MTMR11: variants seen among roughly 807,000 people sequenced by gnomAD.
MTMR11 encodes the protein myotubularin-related protein 11.
MTMR11 carries 89 observed loss-of-function variants against 100.0 expected under a neutral mutation model. That is an observed-to-expected ratio of 0.89 (90% CI 0.75 to 1.06). MTMR11 has a LOEUF of 1.06. Ranked by LOEUF, MTMR11 falls within the 50% of genes least tolerant of loss-of-function variation. The probability of loss-of-function intolerance (pLI) is 0.00; values close to 1 mark genes in which losing one functional copy is unlikely to be tolerated. For missense variants in MTMR11, 809 were observed against 873.7 expected (o/e 0.93, Z 0.93); for synonymous variants, 336 against 326.3 (o/e 1.03, Z -0.32).
intron 12 of MTMR11, chr1:149,931,686 G>A (rs2092662829): frequency 1.7e-6 from 1 of 579,920 alleles, no homozygotes. Flanking sequence ...CTTCCACACT[G>A]CCCTTCCCAC....
intron 13 of MTMR11, 76 bp downstream of exon 13, chr1:149,931,184 G>T: frequency 1.3e-6 from 2 of 1,588,710 alleles, no homozygotes; most frequent in South Asian, 1.1e-5. Flanking sequence ...CACCTCCAAT[G>T]GATTATACAA....
chr1:149,931,203 C>T, intron 13 of MTMR11, 57 bp downstream of exon 13: 2 of 1,605,424 alleles, frequency 1.2e-6, no homozygotes, highest in Admixed American at 1.7e-5. Flanking sequence ...AAAATAATTT[C>T]TCATTCTCTT....
intron 13 of MTMR11, 126 bp from the exon 14 acceptor site, chr1:149,931,091 A>C: frequency 7.4e-7 from 1 of 1,343,210 alleles, no homozygotes; most frequent in South Asian, 1.5e-5. Context: ...TGAAAATCTG[A>C]ATTGAGGGTA....
In MTMR11 at chr1:149,935,336, G is replaced by A. The variant is rs587702917; in HGVS notation, c.288C>T (p.Tyr96=). 8.9e-5 allele frequency: 143 copies of A among 1,613,598 alleles called. 3 individuals are homozygous for A. In the South Asian group the frequency reaches 1.2e-3, roughly 14 times the overall value. ...WNQDTPLNSE[Y]DFALVNIGRL... is the part of the protein sequence containing the mutation. ...GTCCAATGTTGACCAGGGCAAAATC[G>A]TATTCACTGTTCAAGGGAGTGTCCT... is the stretch of plus-strand genomic sequence containing the variant. Residue 96 remains tyrosine (Y), a synonymous_variant, in exon 4 of 17, where the codon TAC becomes TAT. Transcript: ENST00000439741.
chr1:149,936,279 C>T (rs932886450), intron 1 of MTMR11, 50 bp from the exon 2 acceptor site: 14 of 1,610,570 alleles, frequency 8.7e-6, no homozygotes, highest in Non-Finnish European at 1.1e-5. Flanking sequence ...CTAGGCTCCC[C>T]AACTCCCCAG....
In MTMR11 at chr1:149,930,489, G is replaced by A. The variant is rs782260603; in HGVS notation, c.1523C>T (p.Ser508Phe). Residue 508 changes from serine to phenylalanine, a missense_variant, in exon 15 of 17, where the codon TCT becomes TTT. Ser to Phe is a radical substitution (Grantham distance 155). Coordinates refer to ENST00000439741, the MANE Select transcript of MTMR11 (RefSeq NM_001145862.2). ...PGYSQPPAGN[S>F]FNLQLSVWDW... Reference sequence around the variant, plus strand: ...CCAGACAGACAGCTGCAGGTTAAAAGAGTTCCCAGCTGGAGGCTGGGAGTA... The same window carrying A: ...CCAGACAGACAGCTGCAGGTTAAAAAAGTTCCCAGCTGGAGGCTGGGAGTA... 6.2e-7 allele frequency: 1 copy of A among 1,614,156 alleles called. No homozygotes were observed. The highest frequency in any genetic ancestry group is 8.5e-7 in the Non-Finnish European group (1 of 1,180,006).
intron 2 of MTMR11, 118 bp from the exon 3 acceptor site, chr1:149,935,823 G>A (rs2092714299): frequency 1.6e-6 from 2 of 1,224,410 alleles, no homozygotes; most frequent in Admixed American, 2.8e-5. Flanking sequence ...CCTCCCCAAA[G>A]CCCACTACAA....
In MTMR11 at chr1:149,934,489, T is replaced by C. The variant is rs1460400971; in HGVS notation, c.506A>G (p.Asn169Ser). 8.1e-6 allele frequency: 13 copies of C among 1,614,086 alleles called. No homozygotes were observed. In the East Asian group the frequency reaches 1.1e-4, roughly 14 times the overall value. The change falls in exon 6 of 17, where the codon AAT (asparagine) becomes AGT (serine). Residue 169 changes from asparagine (N) to serine (S), a missense_variant. Asn to Ser is a conservative substitution (Grantham distance 46). Coordinates refer to ENST00000439741, the MANE Select transcript of MTMR11 (RefSeq NM_001145862.2). ...MAIVQARAQSNQAQQYSGITL... is the reference protein window; with the variant it reads ...MAIVQARAQSSQAQQYSGITL... ...TATCCCCGAATACTGTTGGGCTTGA[T>C]TGCTCTGAGCTCTGGCTTGGACAAT... is the stretch of plus-strand genomic sequence containing the variant.
At chr1:149,935,428 C>G in intron 3 of MTMR11, 69 bp from the exon 4 acceptor site, 2 of 1,594,948 alleles carry the variant, frequency 1.3e-6, no homozygotes, top group South Asian at 1.1e-5. Context: ...CAGCCCCAAC[C>G]CCTTCTAGGG....
chr1:149,935,392 A>T, intron 3 of MTMR11, 33 bp from the exon 4 acceptor site: 2 of 1,611,100 alleles, frequency 1.2e-6, no homozygotes, highest in Non-Finnish European at 1.7e-6. Context: ...TAGACATCTG[A>T]AATCGCCCTC....
Position 149,930,555 on chromosome 1 carries a change from G to A in MTMR11, c.1465-8C>T. 4 of 1,601,390 alleles carry A rather than the reference G, an allele frequency of 2.5e-6. No individual in the cohort carries two copies. The highest frequency in any genetic ancestry group is 3.7e-4 in the Middle Eastern group (2 of 5,454). The stretch of plus-strand genomic sequence containing the variant: ...TTGTGTATAGGAGTTTAACTGGACA[G>A]AGGAAGCAAGAAAAAGGATGGTTAC... On this transcript the variant is annotated splice_region_variant and splice_polypyrimidine_tract_variant and intron_variant, in intron 14 of 16. Coordinates refer to ENST00000439741, the MANE Select transcript of MTMR11 (RefSeq NM_001145862.2).
chr1:149,935,057 T>A lies in MTMR11; in HGVS notation c.397A>T (p.Ile133Phe). ...AGCAGCCGGAAGTCTCGGCCATGAA[T>A]CAGAATCTCCTCAGGGATAAATTTA... ...LHKFIPEEILIHGRDFRLLRV... is the reference protein window; with the variant it reads ...LHKFIPEEILFHGRDFRLLRV... The change falls in exon 5 of 17, where the codon ATT (isoleucine) becomes TTT (phenylalanine). Residue 133 changes from isoleucine (I) to phenylalanine (F), a missense_variant. Transcript: ENST00000439741. The A allele has an allele frequency of 6.2e-7, 1 of 1,614,044 alleles. No individual in the cohort carries two copies. The highest frequency in any genetic ancestry group is 8.5e-7 in the Non-Finnish European group (1 of 1,180,028).
Position 149,930,841 on chromosome 1 carries a change from AG to A in MTMR11, c.1414del (p.Thr473ProfsTer3). 1 of 1,608,574 alleles carries A rather than the reference AG, an allele frequency of 6.2e-7. No individual in the cohort carries two copies. Among genetic ancestry groups the A allele is most frequent in the South Asian group, 1.1e-5 (1 of 89,948 alleles). ...LHDSVRVPDT[L>X]TFLRNTPWER... ...CCAGGGGGTATTTCTCAGGAAGGTA[AG>A]GGTGTCAGGAACCCTGACACTGTCA... On this transcript the variant is annotated frameshift_variant, in exon 14 of 17. Transcript: ENST00000439741. LOFTEE classifies it high-confidence loss of function.
At chr1:149,933,744 T>C in intron 8 of MTMR11, 46 bp from the exon 9 acceptor site, 1 of 1,612,164 alleles carries the variant, frequency 6.2e-7, no homozygotes, top group Non-Finnish European at 8.5e-7. Flanking sequence ...AATGCCTAGC[T>C]CCACGCTACC....
intron 15 of MTMR11, 132 bp from the exon 16 acceptor site, chr1:149,930,048 G>A: frequency 1.0e-6 from 1 of 995,922 alleles, no homozygotes; most frequent in Non-Finnish European, 1.5e-6. Context: ...GCCTCCCCAT[G>A]AGAACTCTTC....
At chr1:149,934,591 G>T in intron 5 of MTMR11, 65 bp from the exon 6 acceptor site, 1 of 1,498,562 alleles carries the variant, frequency 6.7e-7, no homozygotes, top group South Asian at 1.1e-5. Context: ...AGGAAATGGA[G>T]CCCATGTGTT....
At chr1:149,931,822 G>A (rs1450800665) in intron 12 of MTMR11, 122 bp downstream of exon 12, 16 of 831,940 alleles carry the variant, frequency 1.9e-5, no homozygotes, top group South Asian at 1.1e-4. Flanking sequence ...AGTAGAGCTC[G>A]CAGGTAGTTC....
intron 5 of MTMR11, 70 bp from the exon 6 acceptor site, chr1:149,934,596 T>A: frequency 6.9e-7 from 1 of 1,451,208 alleles, no homozygotes; most frequent in Non-Finnish European, 9.6e-7. Flanking sequence ...ATGGAGCCCA[T>A]GTGTTGCTCC....
In MTMR11 at chr1:149,933,873, A is replaced by C. The variant is rs1553768280; in HGVS notation, c.753T>G (p.Phe251Leu). The change falls in exon 8 of 17, where the codon TTT (phenylalanine) becomes TTG (leucine). Residue 251 changes from phenylalanine to leucine, a missense_variant. Transcript: ENST00000439741. ...DSEVRRAFGHFHQGRGPRLSW... is the reference protein window; with the variant it reads ...DSEVRRAFGHLHQGRGPRLSW... ...CACTGACCGGTCCACGGCCCTGATG[A>C]AAGTGGCCAAATGCTCTCCTGACCT... 2 of 1,614,088 alleles carry C rather than the reference A, an allele frequency of 1.2e-6. No homozygotes were observed. Among genetic ancestry groups the C allele is most frequent in the Admixed American group, 1.7e-5 (1 of 60,006 alleles).
Sources: allele counts gnomAD v4.1 joint callset, GRCh38; gene constraint gnomAD v4.1.1; transcripts MANE v1.5; gene names NCBI Gene and HGNC (gene_info 2026-07-23, HGNC 2026-07-21).